USH2A: variants seen among roughly 807,000 people sequenced by gnomAD.
USH2A encodes the protein usherin.
In USH2A, 443 loss-of-function variants were observed where a neutral mutation model predicts 538.9. The ratio of observed to expected loss-of-function variants is 0.82; its 90% CI spans 0.76 to 0.89. The LOEUF is 0.89. USH2A is among the 40% of genes least tolerant of loss of function. The probability of loss-of-function intolerance (pLI) is 0.00; values close to 1 mark genes in which losing one functional copy is unlikely to be tolerated. For synonymous variants in USH2A, 2,413 were observed against 2,273.5 expected, an observed-to-expected ratio of 1.06 and a Z score of -1.75; for missense variants, 6,633 against 6,324.8, an observed-to-expected ratio of 1.05 and a Z score of -1.65.
intron 15 of USH2A, among the ~76,000 whole-genome samples, chr1:216,216,866 T>G (rs902092622): frequency 2.0e-5 from 3 of 152,068 alleles, no homozygotes; most frequent in Admixed American, 1.3e-4. Context: ...ATGAATAATA[T>G]GCGTGACGAA....
In USH2A at chr1:216,088,997, A is replaced by G; in HGVS notation, c.4885+16T>C. ...CATATCAACAGGGCTATTTATACAT[A>G]TCAAAAAGTACTTACCTGTATATAT... On this transcript the variant is annotated intron_variant, in intron 23 of 71. Coordinates refer to ENST00000307340, the MANE Select transcript of USH2A (RefSeq NM_206933.4). 1 of 1,613,114 alleles carries G rather than the reference A, an allele frequency of 6.2e-7. No homozygotes were observed. The highest frequency in any genetic ancestry group is 8.5e-7 in the Non-Finnish European group (1 of 1,179,362).
At chr1:215,853,681 C>G (rs1328144342) in intron 44 of USH2A, among the ~76,000 whole-genome samples, 1 of 152,172 alleles carries the variant, frequency 6.6e-6, no homozygotes. Context: ...GAAATTTTTT[C>G]TGCCAGATAC....
At chr1:216,175,913 A>C (rs1572021767) in intron 20 of USH2A, among the ~76,000 whole-genome samples, 1 of 152,038 alleles carries the variant, frequency 6.6e-6, no homozygotes, top group Admixed American at 6.6e-5. Context: ...CCCTTGGCTG[A>C]GTAAGAGCTG....
chr1:216,077,063 C>A (rs2031777367), intron 27 of USH2A, among the ~76,000 whole-genome samples: 1 of 152,156 alleles, frequency 6.6e-6, no homozygotes, highest in South Asian at 2.1e-4. Context: ...GGGAAAGTTA[C>A]CTTCCTCTCT....
intron 29 of USH2A, among the ~76,000 whole-genome samples, chr1:216,071,147 G>A (rs942135468): frequency 2.6e-5 from 4 of 152,152 alleles, no homozygotes; most frequent in African/African-American, 9.7e-5. Context: ...TGAGAGACCT[G>A]CTCTAGCTGC....
Position 215,758,286 on chromosome 1 carries a change from C to CA in USH2A, c.11389+308dup, listed in dbSNP as rs34577448. Reference sequence around the variant, plus strand: ...GGGCAACAAGAGTGAAACTCCGTCTCAAAAAAAAAAAAAAAATAGATGAGT... The same window carrying CA: ...GGGCAACAAGAGTGAAACTCCGTCTCAAAAAAAAAAAAAAAAATAGATGAGT... On this transcript the variant is annotated intron_variant, in intron 58 of 71. Transcript: ENST00000307340. 1.3e-3 allele frequency among the ~76,000 whole-genome samples: 171 copies of CA among 135,262 alleles called. 2 individuals carry two copies. Among genetic ancestry groups the CA allele is most frequent in the Non-Finnish European group, 1.5e-3 (96 of 63,182 alleles). The allele number at this position is 135,262 out of a possible 152,430, so 88.7% of individuals were successfully genotyped here. A position where few individuals can be genotyped will look rare whatever the true frequency, so the allele number is the denominator to read the frequency against.
At chr1:216,109,356 A>G (rs2032811212) in intron 21 of USH2A, among the ~76,000 whole-genome samples, 1 of 152,130 alleles carries the variant, frequency 6.6e-6, no homozygotes, top group Non-Finnish European at 1.5e-5. Context: ...CCCATCTACA[A>G]TAGCATACTC....
intron 60 of USH2A, among the ~76,000 whole-genome samples, chr1:215,738,239 C>T (rs1480862509): frequency 6.6e-6 from 1 of 152,026 alleles, no homozygotes. Flanking sequence ...ATCATACCAG[C>T]CAAACTCATT....
chr1:215,719,652 AG>A (rs979935859), intron 61 of USH2A, among the ~76,000 whole-genome samples: 2 of 152,194 alleles, frequency 1.3e-5, no homozygotes, highest in Non-Finnish European at 2.9e-5. Flanking sequence ...GGACTGCTAA[AG>A]GTTTATAGTC....
chr1:216,289,302 T>C lies in USH2A; in HGVS notation c.1949A>G (p.Asn650Ser). 6.2e-7 allele frequency: 1 copy of C among 1,613,942 alleles called. No individual in the cohort carries two copies. The highest frequency in any genetic ancestry group is 8.5e-7 in the Non-Finnish European group (1 of 1,179,846). Reference sequence around the variant, plus strand: ...CACCTGATCACAAAGAATGCTACCATTTCTAGTGCCAACTGTATCACAGTC... The same window carrying C: ...CACCTGATCACAAAGAATGCTACCACTTCTAGTGCCAACTGTATCACAGTC... The part of the protein sequence containing the change: ...PCDCDTVGTR[N>S]GSILCDQIGG... The change falls in exon 11 of 72, where the codon AAT (asparagine) becomes AGT (serine). Residue 650 changes from asparagine to serine, a missense_variant. Transcript: ENST00000307340.
In USH2A at chr1:215,674,821, G is replaced by C. The variant is rs753117480; in HGVS notation, c.13090C>G (p.Leu4364Val). The C allele has an allele frequency of 6.2e-7, 1 of 1,614,166 alleles. No individual in the cohort carries two copies. Among genetic ancestry groups the C allele is most frequent in the South Asian group, 1.1e-5 (1 of 91,088 alleles). Residue 4364 changes from leucine to valine, a missense_variant, in exon 63 of 72, where the codon CTT becomes GTT. By Grantham distance (32) the Leu-to-Val change is conservative. Coordinates refer to ENST00000307340, the MANE Select transcript of USH2A (RefSeq NM_206933.4). ...AAPSEVSPPD[L>V]WAVSATQMNV... Reference sequence around the variant, plus strand: ...ATTTGAGTGGCACTGACGGCCCAAAGATCTGGAGGGCTGACTTCTGATGGA... The same window carrying C: ...ATTTGAGTGGCACTGACGGCCCAAACATCTGGAGGGCTGACTTCTGATGGA...
At position 215,845,830 on chromosome 1, in the gene USH2A, C is replaced by A; in HGVS notation, c.9049G>T (p.Asp3017Tyr). 1 of 1,613,542 alleles carries A rather than the reference C, an allele frequency of 6.2e-7. No homozygotes were observed. Among genetic ancestry groups the A allele is most frequent in the East Asian group, 2.2e-5 (1 of 44,858 alleles). Residue 3017 changes from aspartate to tyrosine, a missense_variant, in exon 45 of 72, where the codon GAT (aspartate) becomes TAT (tyrosine). Transcript: ENST00000307340. ...CTTTAGAATCTGGACTCACCCCCAT[C>A]GCAAGTGGTTGCATGAAGTCCTGCA... ...NSAGLHATTC[D>Y]GEPQGMLPPE...
At chr1:215,800,528 T>C (rs759484215) in intron 49 of USH2A, among the ~76,000 whole-genome samples, 7 of 152,172 alleles carry the variant, frequency 4.6e-5, no homozygotes, top group Admixed American at 1.3e-4. Flanking sequence ...ACTGAAGAAT[T>C]TAGGACTGCC....
chr1:216,037,909 G>T (rs1470306985), intron 32 of USH2A, among the ~76,000 whole-genome samples: 2 of 151,358 alleles, frequency 1.3e-5, no homozygotes, highest in Non-Finnish European at 2.9e-5. Flanking sequence ...TCATCATTTA[G>T]CTCTCACTTA....
At chr1:215,628,729 A>G in intron 71 of USH2A, 85 bp downstream of exon 71, 1 of 1,418,476 alleles carries the variant, frequency 7.0e-7, no homozygotes, top group South Asian at 1.2e-5. Context: ...GCCATGGGGC[A>G]GCATTCGGTG....
intron 64 of USH2A, among the ~76,000 whole-genome samples, chr1:215,669,320 C>T (rs1050999533): frequency 3.3e-5 from 5 of 152,162 alleles, no homozygotes; most frequent in Admixed American, 6.5e-5. Flanking sequence ...AACAAAAGGG[C>T]AGGCACGTAG....
chr1:216,419,046 G>A (rs1422207237), intron 2 of USH2A, among the ~76,000 whole-genome samples: 2 of 152,004 alleles, frequency 1.3e-5, no homozygotes, highest in African/African-American at 2.4e-5. Flanking sequence ...ACTACAGGCC[G>A]CTTGAGTATT....
At position 215,996,082 on chromosome 1, in the gene USH2A, T is replaced by C. The variant is rs114202715; in HGVS notation, c.6657+2805A>G. 4.4e-3 allele frequency among the ~76,000 whole-genome samples: 677 copies of C among 152,244 alleles called. 3 individuals carry two copies. The highest frequency in any genetic ancestry group is 0.015 in the African/African-American group (630 of 41,538). ...TGCAGCACCACACCCGGCTATTCTT[T>C]GTATTTTAAGTAGAGATGGGTTTTC... On this transcript the variant is annotated intron_variant, in intron 34 of 71. Coordinates refer to ENST00000307340, the MANE Select transcript of USH2A (RefSeq NM_206933.4).
intron 21 of USH2A, among the ~76,000 whole-genome samples, chr1:216,148,140 C>T (rs1051129459): frequency 2.6e-5 from 4 of 152,030 alleles, no homozygotes; most frequent in African/African-American, 7.3e-5. Context: ...ACCCACTCCA[C>T]ATTACCCTCT....
Sources: gnomAD v4.1 joint callset for allele counts (sites outside exome capture counted in the v4.1 genomes callset) on GRCh38, gnomAD v4.1.1 for gene constraint, MANE v1.5 for transcripts, NCBI Gene and HGNC (gene_info 2026-07-23, HGNC 2026-07-21) for gene names.